The following DNAJC17 variants were observed in gnomAD, a reference collection of about 807,000 sequenced individuals.
The protein encoded by DNAJC17 is DnaJ heat shock protein family (Hsp40) member C17, also known as dnaJ homolog subfamily C member 17.
DNAJC17 carries 35 observed loss-of-function variants against 48.1 expected under a neutral mutation model. That is an observed-to-expected ratio of 0.73 (90% CI 0.56 to 0.96). The LOEUF is 0.96. Ranked by LOEUF, DNAJC17 falls within the 50% of genes least tolerant of loss-of-function variation. DNAJC17 has a pLI of 0.00. For missense variants in DNAJC17, 355 were observed against 377.1 expected (o/e 0.94, Z 0.48); for synonymous variants, 117 against 142.7 (o/e 0.82, Z 1.28).
chr15:40,774,944 A>G, intron 8 of DNAJC17, 87 bp downstream of exon 8: 1 of 1,374,478 alleles, frequency 7.3e-7, no homozygotes, highest in Non-Finnish European at 1.0e-6. Flanking sequence ...TGTTAAGGGA[A>G]GTTCAGGCAT....
At chr15:40,785,063 A>C (rs1431996620) in intron 1 of DNAJC17, among the ~76,000 whole-genome samples, 2 of 152,066 alleles carry the variant, frequency 1.3e-5, no homozygotes, top group African/African-American at 4.8e-5. Context: ...ATGCCATTGC[A>C]CTCCAGCCTG....
In DNAJC17 at chr15:40,767,348, G is replaced by T. The variant is rs970281700; in HGVS notation, c.*592C>A. On this transcript the variant is annotated 3_prime_UTR_variant, in exon 11 of 11. Coordinates refer to ENST00000220496, the MANE Select transcript of DNAJC17 (RefSeq NM_018163.3). ...CTGGTGTGGTGTCTGCACAAGGAGT[G>T]ACCTTCTCATGCTGATTTGCAGACG... The T allele has an allele frequency of 1.3e-6, 2 of 1,596,870 alleles. No individual in the cohort carries two copies. Among genetic ancestry groups the T allele is most frequent in the South Asian group, 1.1e-5 (1 of 88,476 alleles).
In DNAJC17 at chr15:40,770,373, T is replaced by C; in HGVS notation, c.793-2311A>G. ...GATGTGGTCAAAGGTCTGTGCTGAG[T>C]GGAAACCCTGAGGCCTCTGCTCCTA... On this transcript the variant is annotated intron_variant, in intron 10 of 10. Transcript: ENST00000220496. The surrounding 1 kb of genome is among the most constrained non-coding windows in gnomAD (Gnocchi z 5.0). 1 of 936,278 alleles carries C rather than the reference T, an allele frequency of 1.1e-6. No homozygotes were observed. The allele number at this position is 936,278 out of a possible 1,614,324, so 58.0% of individuals were successfully genotyped here.
intron 10 of DNAJC17, among the ~76,000 whole-genome samples, chr15:40,772,959 C>CTTTT (rs754542485): frequency 4.5e-5 from 6 of 133,596 alleles, no homozygotes; most frequent in African/African-American, 1.7e-4. Flanking sequence ...AGAGTTCCTT[C>CTTTT]TTTTTTTTTT....
At position 40,767,744 on chromosome 15, in the gene DNAJC17, G is replaced by A. The variant is rs1888984204; in HGVS notation, c.*196C>T. On this transcript the variant is annotated 3_prime_UTR_variant, in exon 11 of 11. Transcript: ENST00000220496. ...TGCTCTGCTTGTGCACGGACTCTGG[G>A]ACTCTCACCCTGCGGAGCGTTTCCC... The A allele has an allele frequency of 1.4e-6, 1 of 734,084 alleles. No homozygotes were observed. Among genetic ancestry groups the A allele is most frequent in the Admixed American group, 3.1e-5 (1 of 31,904 alleles). The allele number at this position is 734,084 out of a possible 1,614,324, so 45.5% of individuals were successfully genotyped here. A position where few individuals can be genotyped will look rare whatever the true frequency, so the allele number is the denominator to read the frequency against.
At chr15:40,780,104 G>T in intron 1 of DNAJC17, 107 bp from the exon 2 acceptor site, 1 of 1,109,462 alleles carries the variant, frequency 9.0e-7, no homozygotes, top group Non-Finnish European at 1.3e-6. Flanking sequence ...TAAAAGAGAA[G>T]CTGCTGGCGC....
At chr15:40,791,722 G>C (rs534568671) in intron 1 of DNAJC17, among the ~76,000 whole-genome samples, 1 of 152,122 alleles carries the variant, frequency 6.6e-6, no homozygotes, top group East Asian at 1.9e-4. Context: ...GCACGCGCCT[G>C]TAATCCCAGC....
intron 1 of DNAJC17, among the ~76,000 whole-genome samples, chr15:40,781,047 C>G (rs1889472217): frequency 6.7e-6 from 1 of 148,556 alleles, no homozygotes; most frequent in African/African-American, 2.5e-5. Flanking sequence ...ACTTGGGAGG[C>G]TGAGGCATGA....
chr15:40,777,047 T>A (rs2141950032), intron 4 of DNAJC17, among the ~76,000 whole-genome samples: 1 of 152,226 alleles, frequency 6.6e-6, no homozygotes, highest in Middle Eastern at 3.4e-3. Flanking sequence ...GTTCTCACTG[T>A]CTCCTTTACC....
chr15:40,779,867 G>A (rs1344153527), intron 2 of DNAJC17, 61 bp downstream of exon 2: 46 of 1,557,996 alleles, frequency 3.0e-5, no homozygotes, highest in South Asian at 1.0e-4. Flanking sequence ...AGCTTACATC[G>A]GGAAACACAA....
At chr15:40,779,086 C>T (rs1429418192) in intron 4 of DNAJC17, 137 bp downstream of exon 4, 4 of 819,366 alleles carry the variant, frequency 4.9e-6, no homozygotes, top group Non-Finnish European at 8.4e-6. Flanking sequence ...GAACCAACCT[C>T]TAAGAACAGC....
intron 1 of DNAJC17, among the ~76,000 whole-genome samples, chr15:40,795,113 A>C (rs1486503828): frequency 6.6e-6 from 1 of 152,014 alleles, no homozygotes; most frequent in Non-Finnish European, 1.5e-5. Flanking sequence ...CAGCTGATTA[A>C]AAAACATAAA....
intron 1 of DNAJC17, among the ~76,000 whole-genome samples, chr15:40,795,706 C>G (rs1452244965): frequency 1.3e-5 from 2 of 151,966 alleles, no homozygotes; most frequent in Non-Finnish European, 2.9e-5. Context: ...ACAAGCCTGG[C>G]CAACATGGTG....
intron 8 of DNAJC17, among the ~76,000 whole-genome samples, chr15:40,774,777 T>C (rs1184357623): frequency 1.3e-5 from 2 of 152,206 alleles, no homozygotes; most frequent in Non-Finnish European, 2.9e-5. Context: ...TCAACCAAGC[T>C]CTTTGCTTCT....
intron 1 of DNAJC17, among the ~76,000 whole-genome samples, chr15:40,782,030 C>T (rs1042158571): frequency 1.3e-5 from 2 of 151,916 alleles, no homozygotes; most frequent in Non-Finnish European, 2.9e-5. Flanking sequence ...TCCAGCCAAG[C>T]CTGGGCAACA....
chr15:40,767,886 A>AAT lies in DNAJC17; in HGVS notation c.*53_*54insAT. ...AGGTAAAATCTTAAAAAAAAAAAAA[A>AAT]TTTATTGGTGACGTTGAAGAAAAGG... is the stretch of plus-strand genomic sequence containing the variant. On this transcript the variant is annotated 3_prime_UTR_variant, in exon 11 of 11. Transcript: ENST00000220496. 2 of 1,581,870 alleles carry AAT rather than the reference A, an allele frequency of 1.3e-6. No individual in the cohort carries two copies. Among genetic ancestry groups the AAT allele is most frequent in the South Asian group, 1.2e-5 (1 of 86,166 alleles).
chr15:40,775,580 A>G lies in DNAJC17; in HGVS notation c.495T>C (p.Thr165=), dbSNP rs200309772. Residue 165 remains threonine (T), a synonymous_variant, in exon 7 of 11, where the codon ACT becomes ACC. Transcript: ENST00000220496. ...DQRLRGKAEN[T]EGQGTPKLKL... ...TTAGTTTGGGGGTTCCTTGGCCTTCAGTATTTTCTGCCTTTCCTAGAAATA... is the reference window on the plus strand; with the variant it reads ...TTAGTTTGGGGGTTCCTTGGCCTTCGGTATTTTCTGCCTTTCCTAGAAATA... 1.0e-3 allele frequency: 1,676 copies of G among 1,613,952 alleles called. 3 individuals carry two copies. The highest frequency in any genetic ancestry group is 1.4e-3 in the Non-Finnish European group (1,621 of 1,180,014).
At chr15:40,807,248 C>T in intron 1 of DNAJC17, 121 bp downstream of exon 1, 1 of 1,581,184 alleles carries the variant, frequency 6.3e-7, no homozygotes, top group Non-Finnish European at 8.6e-7. Context: ...TAGCGCCGAC[C>T]CTCGCTCCCC....
Position 40,776,304 on chromosome 15 carries a change from G to T in DNAJC17, c.382-12C>A, listed in dbSNP as rs779170943. The T allele has an allele frequency of 6.2e-6, 10 of 1,612,416 alleles. No individual in the cohort carries two copies. Among genetic ancestry groups the T allele is most frequent in the African/African-American group, 1.3e-5 (1 of 74,864 alleles). On this transcript the variant is annotated splice_polypyrimidine_tract_variant and intron_variant, in intron 5 of 10. Transcript: ENST00000220496. ...CTCAGGCGTTCGATCTGCAGAGCAG[G>T]GGGTGGGGGTGACAATTCTGTGCAG...
Sources: gnomAD v4.1 joint callset for allele counts (sites outside exome capture counted in the v4.1 genomes callset) on GRCh38, gnomAD v4.1.1 for gene constraint, Gnocchi (gnomAD v3.1) non-coding constraint, MANE v1.5 for transcripts, NCBI Gene and HGNC (gene_info 2026-07-23, HGNC 2026-07-21) for gene names.